Variants in DLG2 observed in about 807,000 individuals in gnomAD.
DLG2 encodes the protein disks large homolog 2.
A neutral mutation model predicts 132.5 loss-of-function variants in DLG2; 45 were observed. The ratio of observed to expected loss-of-function variants is 0.34; its 90% CI spans 0.27 to 0.44. The LOEUF (loss-of-function observed/expected upper bound fraction) is 0.44, where lower values mean the gene tolerates loss of function less well. DLG2 is among the 20% of genes least tolerant of loss of function. The pLI, the probability that DLG2 is intolerant of heterozygous loss-of-function variation, is 1.00. For synonymous variants in DLG2, 424 were observed against 419.6 expected, an observed-to-expected ratio of 1.01 and a Z score of -0.13; for missense variants, 1,045 against 1,196.9, an observed-to-expected ratio of 0.87 and a Z score of 1.87.
intron 3 of DLG2, chr11:85,469,784 C>A (rs1346523395): frequency 6.6e-6 from 1 of 152,174 alleles, no homozygotes. Context: ...AAGCCAATTT[C>A]TAGTCTAGGA....
intron 21 of DLG2, among the ~76,000 whole-genome samples, chr11:83,497,544 A>AAAC (rs1555109330): frequency 2.2e-4 from 18 of 80,946 alleles, no homozygotes; most frequent in Non-Finnish European, 5.4e-4. Context: ...CAAAAACAAA[A>AAAC]AACAAAAAAC....
chr11:84,411,936 C>T (rs2098907346), intron 7 of DLG2, among the ~76,000 whole-genome samples: 1 of 150,896 alleles, frequency 6.6e-6, no homozygotes, highest in South Asian at 2.1e-4. Flanking sequence ...TCAACATACC[C>T]TGATTGTGCC....
intron 9 of DLG2, among the ~76,000 whole-genome samples, chr11:84,124,426 A>G (rs952135799): frequency 3.9e-5 from 6 of 152,238 alleles, no homozygotes; most frequent in Non-Finnish European, 7.3e-5. Context: ...CGCTTCTATC[A>G]TATCAGTTGC....
chr11:85,585,888 G>T (rs1169539396), intron 3 of DLG2, among the ~76,000 whole-genome samples: 1 of 151,788 alleles, frequency 6.6e-6, no homozygotes, highest in East Asian at 2.0e-4. Flanking sequence ...TAATTTTTTT[G>T]TATATGTTTT....
At chr11:84,159,495 G>C (rs2095499847) in intron 9 of DLG2, among the ~76,000 whole-genome samples, 1 of 152,018 alleles carries the variant, frequency 6.6e-6, no homozygotes, top group Non-Finnish European at 1.5e-5. Context: ...TATAGGGCTT[G>C]AGTTAGGAAA....
At chr11:85,044,424 A>G (rs1041161801) in intron 6 of DLG2, among the ~76,000 whole-genome samples, 9 of 151,994 alleles carry the variant, frequency 5.9e-5, no homozygotes, top group Non-Finnish European at 1.2e-4. Context: ...TTGAGACTAG[A>G]TGGTATATAT....
intron 3 of DLG2, among the ~76,000 whole-genome samples, chr11:85,567,582 A>G (rs937882335): frequency 6.6e-6 from 1 of 152,066 alleles, no homozygotes; most frequent in African/African-American, 2.4e-5. Context: ...TAATCTGGGA[A>G]TTTATTTTTA....
chr11:85,082,169 C>T (rs991017821), intron 6 of DLG2, among the ~76,000 whole-genome samples: 4 of 152,050 alleles, frequency 2.6e-5, no homozygotes, highest in African/African-American at 7.2e-5. Context: ...TGAGTTGATA[C>T]CTTTAGAGGG....
chr11:83,845,177 T>C (rs2058378455), intron 16 of DLG2, among the ~76,000 whole-genome samples: 1 of 152,128 alleles, frequency 6.6e-6, no homozygotes, highest in South Asian at 2.1e-4. Flanking sequence ...TGAATCCTTT[T>C]TCCTTCATTT....
intron 7 of DLG2, among the ~76,000 whole-genome samples, chr11:84,308,453 A>C (rs1487337043): frequency 1.3e-5 from 2 of 152,210 alleles, no homozygotes; most frequent in South Asian, 2.1e-4. Context: ...AGGTTCTCCA[A>C]GTCCCCACCA....
intron 7 of DLG2, among the ~76,000 whole-genome samples, chr11:84,362,777 G>C (rs1338242114): frequency 6.6e-6 from 1 of 151,940 alleles, no homozygotes; most frequent in East Asian, 1.9e-4. Flanking sequence ...TTTTGTTCTT[G>C]CGATAGTTTA....
chr11:84,153,642 G>A (rs1026703033), intron 9 of DLG2, among the ~76,000 whole-genome samples: 20 of 152,182 alleles, frequency 1.3e-4, no homozygotes, highest in South Asian at 4.2e-4. Context: ...CATTGCTAAT[G>A]CTTGCAACTA....
chr11:84,304,624 A>T (rs2098194963), intron 7 of DLG2, among the ~76,000 whole-genome samples: 3 of 152,244 alleles, frequency 2.0e-5, no homozygotes, highest in African/African-American at 7.2e-5. Context: ...AAAAACAGCT[A>T]CAGACAATAT....
At chr11:84,187,667 C>G (rs888694323) in intron 8 of DLG2, among the ~76,000 whole-genome samples, 3 of 152,022 alleles carry the variant, frequency 2.0e-5, no homozygotes, top group African/African-American at 4.8e-5. Flanking sequence ...TCAGCAAAAT[C>G]TGCTCATATG....
chr11:84,536,504 T>G (rs760077779), intron 6 of DLG2, among the ~76,000 whole-genome samples: 1 of 152,234 alleles, frequency 6.6e-6, no homozygotes, highest in Non-Finnish European at 1.5e-5. Flanking sequence ...TCTAACCTTA[T>G]GAATAATTTG....
chr11:84,698,530 G>A (rs943292718), intron 6 of DLG2, among the ~76,000 whole-genome samples: 5 of 151,452 alleles, frequency 3.3e-5, no homozygotes, highest in African/African-American at 1.2e-4. Flanking sequence ...ATAAGTAATT[G>A]TAAAATATAC....
chr11:84,803,095 G>A (rs553231840), intron 6 of DLG2, among the ~76,000 whole-genome samples: 6 of 152,188 alleles, frequency 3.9e-5, no homozygotes, highest in Admixed American at 1.3e-4. Flanking sequence ...CACAGCGCCC[G>A]GCCCTTTTTC....
intron 7 of DLG2, chr11:84,316,914 G>C (rs769022809): frequency 6.2e-7 from 1 of 1,612,658 alleles, no homozygotes; most frequent in South Asian, 1.1e-5. Context: ...GGGCTTTTCC[G>C]CACACTGTCC....
At chr11:85,261,048 A>G (rs981101769) in intron 4 of DLG2, among the ~76,000 whole-genome samples, 7 of 152,170 alleles carry the variant, frequency 4.6e-5, no homozygotes, top group Admixed American at 3.9e-4. Flanking sequence ...GGCCCAGCGT[A>G]GCAGGTGGTA....
Sources: gnomAD v4.1 joint callset for allele counts (sites outside exome capture counted in the v4.1 genomes callset) on GRCh38, gnomAD v4.1.1 for gene constraint, MANE v1.5 for transcripts, NCBI Gene and HGNC (gene_info 2026-07-23, HGNC 2026-07-21) for gene names.